Variants in PRIM2 observed in about 807,000 individuals in gnomAD.
The protein encoded by PRIM2 is DNA primase large subunit.
A neutral mutation model predicts 67.3 loss-of-function variants in PRIM2; 39 were observed. The observed-to-expected ratio is 0.58, with a 90% CI of 0.45 to 0.76. The LOEUF (loss-of-function observed/expected upper bound fraction) is 0.76, where lower values mean the gene tolerates loss of function less well. Among genes scored for constraint, PRIM2 ranks in the 30% least tolerant of loss-of-function variants. The pLI, the probability that PRIM2 is intolerant of heterozygous loss-of-function variation, is 0.00. For synonymous variants in PRIM2, 143 were observed against 198.7 expected, an observed-to-expected ratio of 0.72 and a Z score of 2.36; for missense variants, 398 against 598.7, an observed-to-expected ratio of 0.66 and a Z score of 3.50.
At chr6:57,554,791 A>G (rs1194536356) in intron 10 of PRIM2, among the ~76,000 whole-genome samples, 3 of 152,206 alleles carry the variant, frequency 2.0e-5, no homozygotes, top group African/African-American at 7.2e-5. Context: ...TTTTTCCTTC[A>G]TATTTAAATC....
chr6:57,456,456 C>T (rs1181713105), intron 7 of PRIM2, among the ~76,000 whole-genome samples: 12 of 152,112 alleles, frequency 7.9e-5, no homozygotes, highest in African/African-American at 1.7e-4. Flanking sequence ...TTCACATAGT[C>T]CCATATTTCT....
intron 8 of PRIM2, among the ~76,000 whole-genome samples, chr6:57,523,514 G>A (rs1335547683): frequency 6.6e-6 from 1 of 152,136 alleles, no homozygotes; most frequent in African/African-American, 2.4e-5. Flanking sequence ...TGTTTACTCT[G>A]TCAAATTTTC....
At chr6:57,241,573 A>G in the PRIM2 span, among the ~76,000 whole-genome samples, 1 of 152,044 alleles carries the variant, frequency 6.6e-6, no homozygotes, top group Non-Finnish European at 1.5e-5. Flanking sequence ...GGCTGTAAAT[A>G]CCAAAAGAAA....
At chr6:57,296,259 A>G in the PRIM2 span, among the ~76,000 whole-genome samples, 5 of 151,920 alleles carry the variant, frequency 3.3e-5, no homozygotes, top group Non-Finnish European at 5.9e-5. Context: ...AGAATTATAT[A>G]CAAATATTGT....
upstream of PRIM2, among the ~76,000 whole-genome samples, chr6:57,314,563 T>G (rs1767444599): frequency 6.6e-6 from 1 of 152,184 alleles, no homozygotes; most frequent in South Asian, 2.1e-4. Context: ...TTCAGTTTCA[T>G]AAGTATTTAT....
At chr6:57,481,844 C>G (rs1773636852) in intron 7 of PRIM2, among the ~76,000 whole-genome samples, 1 of 152,136 alleles carries the variant, frequency 6.6e-6, no homozygotes, top group African/African-American at 2.4e-5. Context: ...TTCCTAATGG[C>G]TAATGATGTT....
intron 8 of PRIM2, among the ~76,000 whole-genome samples, chr6:57,510,259 A>C (rs1774337248): frequency 6.6e-6 from 1 of 152,202 alleles, no homozygotes; most frequent in South Asian, 2.1e-4. Context: ...TTGTTGAATG[A>C]ATGAATACAA....
intron 7 of PRIM2, among the ~76,000 whole-genome samples, chr6:57,468,142 C>A (rs1773249971): frequency 1.3e-5 from 2 of 152,280 alleles, no homozygotes; most frequent in South Asian, 4.1e-4. Context: ...CCTGATTTCC[C>A]TAGCCAAAAC....
intron 7 of PRIM2, among the ~76,000 whole-genome samples, chr6:57,455,081 T>C (rs539307264): frequency 1.3e-5 from 2 of 152,184 alleles, no homozygotes; most frequent in Non-Finnish European, 2.9e-5. Context: ...TCAGTTTCCA[T>C]GTAGTTGAGC....
At chr6:57,378,840 G>A (rs1165972461) in intron 5 of PRIM2, among the ~76,000 whole-genome samples, 3 of 152,148 alleles carry the variant, frequency 2.0e-5, no homozygotes, top group Admixed American at 6.6e-5. Context: ...TCTCTAGGAG[G>A]TTGACCCAAA....
chr6:57,598,056 T>C (rs1776399185), intron 10 of PRIM2, among the ~76,000 whole-genome samples: 2 of 152,224 alleles, frequency 1.3e-5, no homozygotes, highest in Non-Finnish European at 2.9e-5. Flanking sequence ...CATTTCACTC[T>C]AGTTATTAGA....
chr6:57,303,098 C>A, the PRIM2 span, among the ~76,000 whole-genome samples: 1 of 151,956 alleles, frequency 6.6e-6, no homozygotes, highest in African/African-American at 2.4e-5. Flanking sequence ...AATATGTCCA[C>A]GTAAAAGCTA....
chr6:57,548,603 T>C lies in PRIM2; in HGVS notation c.1020+10978T>C, dbSNP rs1350158407. 3.9e-5 allele frequency among the ~76,000 whole-genome samples: 6 copies of C among 152,232 alleles called. No homozygotes were observed. The South Asian group carries it at 8.3e-4, about 21-fold the overall frequency. On this transcript the variant is annotated intron_variant, in intron 10 of 13. Transcript: ENST00000615550. ...GATGTTCCCTGAGTGTAGAATTTGT[T>C]TCTTTCTTACTGTGATATACCCAGC...
chr6:57,362,126 A>G (rs963414718), intron 5 of PRIM2, among the ~76,000 whole-genome samples: 2 of 152,212 alleles, frequency 1.3e-5, no homozygotes, highest in Admixed American at 1.3e-4. Context: ...TCAAAGCCAT[A>G]GAGCTGACTT....
intron 7 of PRIM2, among the ~76,000 whole-genome samples, chr6:57,423,387 T>C (rs1771523569): frequency 6.6e-6 from 1 of 152,088 alleles, no homozygotes; most frequent in Admixed American, 6.6e-5. Flanking sequence ...AGTCAAGCAG[T>C]TGAAGGTTAA....
At chr6:57,535,634 G>C (rs1490275423) in intron 9 of PRIM2, among the ~76,000 whole-genome samples, 1 of 152,214 alleles carries the variant, frequency 6.6e-6, no homozygotes, top group Non-Finnish European at 1.5e-5. Flanking sequence ...AGAGGCCAAG[G>C]TGGGAGGATC....
intron 12 of PRIM2, among the ~76,000 whole-genome samples, chr6:57,610,636 C>T (rs1214306029): frequency 6.6e-6 from 1 of 151,832 alleles, no homozygotes; most frequent in Non-Finnish European, 1.5e-5. Flanking sequence ...AAGAGAAATA[C>T]ACAGCAGTCA....
At chr6:57,316,895 G>A (rs1767496770), upstream of PRIM2, among the ~76,000 whole-genome samples, 1 of 152,222 alleles carries the variant, frequency 6.6e-6, no homozygotes, top group South Asian at 2.1e-4. Context: ...ATTGCAGAGC[G>A]ATTCCTGCGA....
At chr6:57,568,351 T>C (rs1775789902) in intron 10 of PRIM2, among the ~76,000 whole-genome samples, 1 of 152,208 alleles carries the variant, frequency 6.6e-6, no homozygotes, top group African/African-American at 2.4e-5. Flanking sequence ...ATTGGTCTTT[T>C]CCCCTCATTG....
Sources: allele counts gnomAD v4.1 joint callset (sites outside exome capture counted in the v4.1 genomes callset), GRCh38; gene constraint gnomAD v4.1.1; transcripts MANE v1.5; gene names NCBI Gene and HGNC (gene_info 2026-07-23, HGNC 2026-07-21).